The following DCHS2 variants were observed in gnomAD, a reference collection of about 807,000 sequenced individuals.
The protein encoded by DCHS2 is dachsous cadherin-related 2, also known as protocadherin-23.
Under a neutral mutation model 182.4 loss-of-function variants are expected in DCHS2, and 142 were observed. The observed-to-expected ratio is 0.78, with a 90% confidence interval of 0.68 to 0.89. The LOEUF (loss-of-function observed/expected upper bound fraction) is 0.89. Ranked by LOEUF, DCHS2 falls within the 40% of genes least tolerant of loss-of-function variation. The probability of loss-of-function intolerance (pLI) is 0.00; values close to 1 mark genes in which losing one functional copy is unlikely to be tolerated. For synonymous variants in DCHS2, 1,740 were observed against 1,663.3 expected (o/e 1.05, Z -1.12); for missense variants, 4,319 against 4,198.6 (o/e 1.03, Z -0.79).
chr4:154,281,273 C>T (rs1734132955), intron 13 of DCHS2, among the ~76,000 whole-genome samples: 1 of 152,020 alleles, frequency 6.6e-6, no homozygotes, highest in African/African-American at 2.4e-5. Flanking sequence ...CGACATAATC[C>T]TGTATGTGTA....
intron 1 of DCHS2, among the ~76,000 whole-genome samples, chr4:154,450,954 C>T (rs1260966880): frequency 6.6e-6 from 1 of 152,152 alleles, no homozygotes; most frequent in African/African-American, 2.4e-5. Context: ...CTGGTCCCTC[C>T]TACAGCCAGG....
chr4:154,434,288 G>A (rs938326353), intron 1 of DCHS2, among the ~76,000 whole-genome samples: 3 of 152,174 alleles, frequency 2.0e-5, no homozygotes, highest in African/African-American at 7.2e-5. Context: ...CAAGCATGGA[G>A]GTGTGCACCT....
At chr4:154,447,090 G>A (rs187914703) in intron 1 of DCHS2, among the ~76,000 whole-genome samples, 2 of 152,166 alleles carry the variant, frequency 1.3e-5, no homozygotes, top group Non-Finnish European at 2.9e-5. Context: ...TCAGGAGTTC[G>A]AGACCAGCCT....
At chr4:154,242,328 G>A (rs745776735) in intron 17 of DCHS2, among the ~76,000 whole-genome samples, 4 of 152,086 alleles carry the variant, frequency 2.6e-5, no homozygotes, top group Non-Finnish European at 4.4e-5. Context: ...GGTTCACAAT[G>A]GTTATCACAG....
intron 2 of DCHS2, among the ~76,000 whole-genome samples, chr4:154,371,673 G>A (rs1311019061): frequency 6.6e-6 from 1 of 152,148 alleles, no homozygotes; most frequent in Non-Finnish European, 1.5e-5. Flanking sequence ...AGCAGCTTCA[G>A]CTTCTGGGAA....
chr4:154,377,456 G>T lies in DCHS2; in HGVS notation c.2053-12C>A. 3 of 1,603,606 alleles carry T rather than the reference G, an allele frequency of 1.9e-6. No homozygotes were observed. Among genetic ancestry groups the T allele is most frequent in the Non-Finnish European group, 2.6e-6 (3 of 1,173,088 alleles). On this transcript the variant is annotated splice_polypyrimidine_tract_variant and intron_variant, in intron 1 of 19. Coordinates refer to ENST00000357232, the MANE Select transcript of DCHS2 (RefSeq NM_001358235.2). ...TCAGAGGCTGTCACCTGTGAGACAG[G>T]AGGGTGATCAGGAGGAAACAGAAAT...
At chr4:154,486,010 C>T (rs965791016) in intron 1 of DCHS2, among the ~76,000 whole-genome samples, 1 of 152,206 alleles carries the variant, frequency 6.6e-6, no homozygotes, top group South Asian at 2.1e-4. Context: ...GGAATTCCCT[C>T]TCTGTCTTGA....
At chr4:154,363,108 T>A (rs1371805454) in intron 3 of DCHS2, among the ~76,000 whole-genome samples, 1 of 152,164 alleles carries the variant, frequency 6.6e-6, no homozygotes, top group Non-Finnish European at 1.5e-5. Context: ...TTTGAGAACA[T>A]CCTTGTATAG....
chr4:154,422,439 T>C (rs1222795655), intron 1 of DCHS2, among the ~76,000 whole-genome samples: 1 of 152,192 alleles, frequency 6.6e-6, no homozygotes, highest in African/African-American at 2.4e-5. Context: ...CATCAGCAAG[T>C]TCTATTGCCT....
chr4:154,431,341 C>T (rs775597049), intron 1 of DCHS2, among the ~76,000 whole-genome samples: 2 of 152,038 alleles, frequency 1.3e-5, no homozygotes, highest in Non-Finnish European at 2.9e-5. Context: ...ATAAAGAAAA[C>T]ATAAAACTTA....
rs1298394918 is a variant in DCHS2, at chr4:154,332,826, C to T, written c.3382G>A (p.Val1128Ile). Residue 1128 changes from valine to isoleucine, a missense_variant, in exon 5 of 20, where the codon GTA (valine) becomes ATA (isoleucine). Transcript: ENST00000357232. The part of the protein sequence containing the change: ...SPLRYSLEPS[V>I]DSAMFGIRPY... ...CGGATTCCAAACATAGCAGAGTCTA[C>T]GCTGGGTTCCAGCGAGTACCTAAGA... is the stretch of plus-strand genomic sequence containing the variant. 1.2e-6 allele frequency: 2 copies of T among 1,614,118 alleles called. No homozygotes were observed. The highest frequency in any genetic ancestry group is 1.7e-5 in the Admixed American group (1 of 60,014).
chr4:154,343,291 T>C (rs533149912), intron 3 of DCHS2, among the ~76,000 whole-genome samples: 1 of 152,304 alleles, frequency 6.6e-6, no homozygotes, highest in African/African-American at 2.4e-5. Flanking sequence ...TAAATTAGCA[T>C]TGTTCCACTT....
intron 1 of DCHS2, among the ~76,000 whole-genome samples, chr4:154,380,933 G>C (rs1731138688): frequency 6.6e-6 from 1 of 151,964 alleles, no homozygotes; most frequent in Admixed American, 6.6e-5. Flanking sequence ...TAGGCAAATT[G>C]AGTAATAGAA....
chr4:154,332,991 T>A lies in DCHS2; in HGVS notation c.3217A>T (p.Ile1073Phe). 1 of 1,614,174 alleles carries A rather than the reference T, an allele frequency of 6.2e-7. No homozygotes were observed. The highest frequency in any genetic ancestry group is 8.5e-7 in the Non-Finnish European group (1 of 1,180,018). Residue 1073 changes from isoleucine (I) to phenylalanine (F), a missense_variant, in exon 5 of 20, where the codon ATC becomes TTC. By Grantham distance (21) the Ile-to-Phe change is conservative (BLOSUM62 0). Transcript: ENST00000357232. ...QAALLVLTVV[I>F]EKREHSPSWT... is the part of the protein sequence containing the mutation. ...GATGGGCTGTGTTCGCGTTTCTCGATAACGACTGTCAGCACCAGCAGGGCT... is the reference window on the plus strand; with the variant it reads ...GATGGGCTGTGTTCGCGTTTCTCGAAAACGACTGTCAGCACCAGCAGGGCT...
At chr4:154,310,412 A>G (rs1276149323) in intron 10 of DCHS2, among the ~76,000 whole-genome samples, 1 of 152,224 alleles carries the variant, frequency 6.6e-6, no homozygotes, top group Non-Finnish European at 1.5e-5. Context: ...GCCTATAATC[A>G]CTGAGGTTGA....
intron 3 of DCHS2, among the ~76,000 whole-genome samples, chr4:154,340,299 G>A (rs2111382529): frequency 6.6e-6 from 1 of 152,260 alleles, no homozygotes; most frequent in East Asian, 1.9e-4. Context: ...ATCAATCCCT[G>A]AGGTTATAAT....
rs1458629864 is a variant in DCHS2, at chr4:154,253,737, C to CA, written c.6941+1781dup. On this transcript the variant is annotated intron_variant, in intron 16 of 19. Coordinates refer to ENST00000357232, the MANE Select transcript of DCHS2 (RefSeq NM_001358235.2). Reference sequence around the variant, plus strand: ...TAAAATACTTTTGAAGTATATTAAACAAAAAACTAAACATTTAAATTTTTA... The same window carrying CA: ...TAAAATACTTTTGAAGTATATTAAACAAAAAAACTAAACATTTAAATTTTTA... Among the ~76,000 whole-genome samples the CA allele has an allele frequency of 5.3e-5, 8 of 152,192 alleles. No individual in the cohort carries two copies. In the East Asian group the frequency reaches 1.3e-3, roughly 26 times the overall value.
intron 1 of DCHS2, among the ~76,000 whole-genome samples, chr4:154,424,686 A>G (rs1733250655): frequency 6.6e-6 from 1 of 152,242 alleles, no homozygotes; most frequent in African/African-American, 2.4e-5. Context: ...ACTTGTCAGA[A>G]ACCTTATAGG....
chr4:154,470,622 C>G (rs971973159), intron 1 of DCHS2, among the ~76,000 whole-genome samples: 1 of 152,110 alleles, frequency 6.6e-6, no homozygotes, highest in Non-Finnish European at 1.5e-5. Flanking sequence ...ACTTAGAGTA[C>G]AAAGTTTTAA....
Sources: gnomAD v4.1 joint callset for allele counts (sites outside exome capture counted in the v4.1 genomes callset) on GRCh38, gnomAD v4.1.1 for gene constraint, MANE v1.5 for transcripts, NCBI Gene and HGNC (gene_info 2026-07-23, HGNC 2026-07-21) for gene names.